PRKDC: variants seen among roughly 807,000 people sequenced by gnomAD.
The protein encoded by PRKDC is DNA-dependent protein kinase catalytic subunit.
Under a neutral mutation model 486.9 loss-of-function variants are expected in PRKDC, and 82 were observed. The ratio of observed to expected loss-of-function variants is 0.17; its 90% confidence interval spans 0.14 to 0.20. The LOEUF is 0.20. Among genes scored for constraint, PRKDC ranks in the 10% least tolerant of loss-of-function variants. PRKDC has a pLI of 1.00. For missense variants in PRKDC, 4,504 were observed against 5,038.2 expected (o/e 0.89, Z 3.21); for synonymous variants, 1,895 against 1,837.0 (o/e 1.03, Z -0.81).
Position 47,887,711 on chromosome 8 carries a change from A to C in PRKDC, c.4414-6T>G. On this transcript the variant is annotated splice_region_variant and splice_polypyrimidine_tract_variant and intron_variant, in intron 34 of 85. Transcript: ENST00000314191. ...GAATGATGCAAATCTGTGGACTAAA[A>C]GGAAGCCAACACTGAAATGCCTAGC... 6.2e-7 allele frequency: 1 copy of C among 1,601,156 alleles called. No individual in the cohort carries two copies. Among genetic ancestry groups the C allele is most frequent in the Non-Finnish European group, 8.5e-7 (1 of 1,174,636 alleles).
Position 47,881,972 on chromosome 8 carries a change from G to T in PRKDC, c.4902C>A (p.Ala1634=). The T allele has an allele frequency of 8.7e-6, 14 of 1,613,802 alleles. No individual in the cohort carries two copies. Among genetic ancestry groups the T allele is most frequent in the Non-Finnish European group, 1.2e-5 (14 of 1,179,816 alleles). The change falls in exon 37 of 86, where the codon GCC becomes GCA. Residue 1634 remains alanine, a synonymous_variant. Transcript: ENST00000314191. ...TTTTAGTTTCGAGAGGGGAATCTTT[G>T]GCCCACCATGAATCACACTTCTTCC... ...QHWKKCDSWW[A]KDSPLETKMA...
intron 59 of PRKDC, 99 bp from the exon 60 acceptor site, chr8:47,832,025 G>GGTTTT: frequency 9.1e-7 from 1 of 1,099,894 alleles, no homozygotes; most frequent in Non-Finnish European, 1.3e-6. Flanking sequence ...AAAACCTACA[G>GGTTTT]GTGCCGCAGA....
chr8:47,956,873 A>G (rs2090711346), intron 3 of PRKDC, among the ~76,000 whole-genome samples: 1 of 148,814 alleles, frequency 6.7e-6, no homozygotes, highest in Non-Finnish European at 1.5e-5. Context: ...AAAAAAAAGT[A>G]TTAAGATAGT....
chr8:47,927,333 C>G lies in PRKDC; in HGVS notation c.2280G>C (p.Leu760=). 1 of 1,612,386 alleles carries G rather than the reference C, an allele frequency of 6.2e-7. No homozygotes were observed. Among genetic ancestry groups the G allele is most frequent in the South Asian group, 1.1e-5 (1 of 90,572 alleles). The change falls in exon 21 of 86, where the codon CTG becomes CTC. Residue 760 remains leucine, a synonymous_variant. Transcript: ENST00000314191. ...CTACTTCTGCCAAGGGGGTATAGCT[C>G]AGGCCCAGTTTGAAAGCCATCTGTA... The part of the protein sequence containing the change: ...PALQMAFKLG[L]SYTPLAEVGL...
At chr8:47,837,181 T>C in intron 57 of PRKDC, 31 bp downstream of exon 57, 1 of 1,570,268 alleles carries the variant, frequency 6.4e-7, no homozygotes, top group Non-Finnish European at 8.7e-7. Flanking sequence ...GCCTATAATA[T>C]TCACTACTAT....
At chr8:47,803,808 C>G (rs1468203434) in intron 69 of PRKDC, among the ~76,000 whole-genome samples, 2 of 151,956 alleles carry the variant, frequency 1.3e-5, no homozygotes, top group Non-Finnish European at 2.9e-5. Flanking sequence ...AATTAGCCAG[C>G]ACCATGGCAC....
chr8:47,950,657 T>C (rs1323714599), intron 7 of PRKDC, among the ~76,000 whole-genome samples: 2 of 148,734 alleles, frequency 1.3e-5, no homozygotes, highest in African/African-American at 2.5e-5. Flanking sequence ...TATTTCAGGA[T>C]AAAAAGTTAT....
In PRKDC at chr8:47,944,466, T is replaced by G. The variant is rs556622165; in HGVS notation, c.722-437A>C. Among the ~76,000 whole-genome samples, 17 of 129,240 alleles carry G rather than the reference T, an allele frequency of 1.3e-4. No homozygotes were observed. In the East Asian group the frequency reaches 3.7e-3, roughly 28 times the overall value. 84.8% of individuals were successfully genotyped at this position (129,240 alleles called of 152,430 possible). A position where few individuals can be genotyped will look rare whatever the true frequency, so the allele number is the denominator to read the frequency against. On this transcript the variant is annotated intron_variant, in intron 7 of 85. Coordinates refer to ENST00000314191, the MANE Select transcript of PRKDC (RefSeq NM_006904.7). Reference sequence around the variant, plus strand: ...ACCCAGGCATTTATTCAACACCTAGTACATGTAAGAAAAAAATTAAAAAAA... The same window carrying G: ...ACCCAGGCATTTATTCAACACCTAGGACATGTAAGAAAAAAATTAAAAAAA...
chr8:47,858,743 C>T (rs2088602893), intron 47 of PRKDC, 106 bp downstream of exon 47: 1 of 1,465,818 alleles, frequency 6.8e-7, no homozygotes, highest in Admixed American at 2.8e-5. Context: ...AAAAAAATCA[C>T]ATTTATTTGA....
chr8:47,811,904 G>T (rs1563746970), intron 68 of PRKDC, among the ~76,000 whole-genome samples: 1 of 152,176 alleles, frequency 6.6e-6, no homozygotes, highest in Admixed American at 6.5e-5. Context: ...TTGAACCTGG[G>T]TGATGCAGGT....
intron 44 of PRKDC, among the ~76,000 whole-genome samples, chr8:47,861,527 A>C (rs1419299741): frequency 6.6e-6 from 1 of 152,194 alleles, no homozygotes; most frequent in Non-Finnish European, 1.5e-5. Context: ...TGTGTGGGGA[A>C]AGTGCACGCC....
rs755661374 is a variant in PRKDC at position 47,839,115 on chromosome 8, C to T, written c.7553+33G>A. ...CTACCTTTGAAAGCAATACCCTTAA[C>T]ATTTAATTGTCCCAGCCCAGTTATT... is the stretch of plus-strand genomic sequence containing the variant. On this transcript the variant is annotated intron_variant, in intron 56 of 85. Coordinates refer to ENST00000314191, the MANE Select transcript of PRKDC (RefSeq NM_006904.7). 5.9e-6 allele frequency: 9 copies of T among 1,514,066 alleles called. No individual in the cohort carries two copies. The South Asian group carries it at 6.8e-5, about 11-fold the overall frequency. The allele number at this position is 1,514,066 out of a possible 1,614,324, so 93.8% of individuals were successfully genotyped here. A position where few individuals can be genotyped will look rare whatever the true frequency, so the allele number is the denominator to read the frequency against.
chr8:47,843,115 T>C (rs1429449042), intron 54 of PRKDC, among the ~76,000 whole-genome samples: 1 of 152,098 alleles, frequency 6.6e-6, no homozygotes, highest in Admixed American at 6.5e-5. Flanking sequence ...CAGCAGTAAG[T>C]CACGGCCACA....
At chr8:47,894,527 C>T (rs983067411) in intron 30 of PRKDC, among the ~76,000 whole-genome samples, 2 of 152,168 alleles carry the variant, frequency 1.3e-5, no homozygotes, top group African/African-American at 4.8e-5. Context: ...CAGACAAGCA[C>T]GCTTGGGGTT....
chr8:47,855,899 T>C (rs2088528554), intron 49 of PRKDC, among the ~76,000 whole-genome samples: 1 of 152,158 alleles, frequency 6.6e-6, no homozygotes, highest in South Asian at 2.1e-4. Flanking sequence ...CTCCCTCCAG[T>C]GTTAGCCTCT....
rs1169167172 is a variant in PRKDC at position 47,805,780 on chromosome 8, A to C, written c.9747+1357T>G. 2.6e-5 allele frequency among the ~76,000 whole-genome samples: 4 copies of C among 152,146 alleles called. No individual in the cohort carries two copies. The East Asian group carries it at 7.7e-4, about 29-fold the overall frequency. ...CTGCCATTTCAACCGCCCAGGCTAG[A>C]AATCCGAGTTGTTTCTAGCCAGACA... On this transcript the variant is annotated intron_variant, in intron 69 of 85. Transcript: ENST00000314191.
chr8:47,933,221 A>G (rs755489284), intron 15 of PRKDC, 49 bp from the exon 16 acceptor site: 14 of 1,382,346 alleles, frequency 1.0e-5, no homozygotes, highest in Non-Finnish European at 1.3e-5. Flanking sequence ...GCAAAAATGT[A>G]TTAGTATTTT....
intron 68 of PRKDC, among the ~76,000 whole-genome samples, chr8:47,809,260 T>C (rs2087279497): frequency 6.6e-6 from 1 of 152,170 alleles, no homozygotes; most frequent in African/African-American, 2.4e-5. Context: ...GGCCATTTCC[T>C]GTTCTCACCA....
chr8:47,933,208 T>C (rs1392888636), intron 15 of PRKDC, 36 bp from the exon 16 acceptor site: 7 of 1,412,836 alleles, frequency 5.0e-6, no homozygotes, highest in Admixed American at 3.2e-5. Flanking sequence ...TTCAAAATCT[T>C]GTGCAAAAAT....
Sources: allele counts gnomAD v4.1 joint callset (sites outside exome capture counted in the v4.1 genomes callset), GRCh38; gene constraint gnomAD v4.1.1; transcripts MANE v1.5; gene names NCBI Gene and HGNC (gene_info 2026-07-23, HGNC 2026-07-21).